EEFSEC: variants seen among roughly 807,000 people sequenced by gnomAD.
EEFSEC encodes the protein eukaryotic elongation factor, selenocysteine-tRNA specific.
In EEFSEC, 43 loss-of-function variants were observed where a neutral mutation model predicts 42.1. That is an observed-to-expected ratio of 1.02 (90% CI 0.80 to 1.32). The LOEUF (loss-of-function observed/expected upper bound fraction) is 1.32, where lower values mean the gene tolerates loss of function less well. Among genes scored for constraint, EEFSEC ranks in the 40% most tolerant of loss-of-function variants. The pLI, the probability that EEFSEC is intolerant of heterozygous loss-of-function variation, is 0.00. For missense variants in EEFSEC, 745 were observed against 803.6 expected (o/e 0.93, Z 0.88); for synonymous variants, 354 against 339.1 (o/e 1.04, Z -0.48).
chr3:128,194,993 C>G (rs573251473), intron 1 of EEFSEC, among the ~76,000 whole-genome samples: 2 of 152,218 alleles, frequency 1.3e-5, no homozygotes, highest in Non-Finnish European at 2.9e-5. Context: ...CCTCCTCGCT[C>G]CTCCTTCTTG....
intron 1 of EEFSEC, among the ~76,000 whole-genome samples, chr3:128,171,391 C>T (rs1408252935): frequency 1.3e-5 from 2 of 151,828 alleles, no homozygotes; most frequent in African/African-American, 4.8e-5. Context: ...CAGGCTTGTA[C>T]CTACAATGGC....
chr3:128,292,481 A>G (rs1317638640), intron 4 of EEFSEC, among the ~76,000 whole-genome samples: 1 of 151,636 alleles, frequency 6.6e-6, no homozygotes, highest in Non-Finnish European at 1.5e-5. Flanking sequence ...TTAATTATGT[A>G]TTTAAATATA....
At chr3:128,242,581 G>A (rs1175066293) in intron 1 of EEFSEC, among the ~76,000 whole-genome samples, 1 of 151,762 alleles carries the variant, frequency 6.6e-6, no homozygotes, top group Non-Finnish European at 1.5e-5. Flanking sequence ...ATTTTTTTCT[G>A]AACATATTTT....
At chr3:128,199,447 C>A (rs1430314660) in intron 1 of EEFSEC, among the ~76,000 whole-genome samples, 5 of 152,028 alleles carry the variant, frequency 3.3e-5, no homozygotes, top group Admixed American at 2.6e-4. Flanking sequence ...TTTTGTTTTC[C>A]CTCTGCTTAG....
intron 4 of EEFSEC, among the ~76,000 whole-genome samples, chr3:128,303,258 C>T (rs1237950018): frequency 6.6e-6 from 1 of 152,168 alleles, no homozygotes; most frequent in African/African-American, 2.4e-5. Flanking sequence ...ACCCACTGCA[C>T]CTGACCGCTT....
At chr3:128,210,977 G>A (rs971926815) in intron 1 of EEFSEC, among the ~76,000 whole-genome samples, 2 of 152,220 alleles carry the variant, frequency 1.3e-5, no homozygotes, top group Non-Finnish European at 2.9e-5. Flanking sequence ...GGCCTTGAAA[G>A]GAGTAGTGGG....
intron 1 of EEFSEC, among the ~76,000 whole-genome samples, chr3:128,241,624 C>A (rs1027620108): frequency 6.6e-6 from 1 of 152,280 alleles, no homozygotes; most frequent in South Asian, 2.1e-4. Flanking sequence ...GGGTTACAGA[C>A]CCAGCCTGTT....
chr3:128,308,406 C>T (rs1476400794), intron 4 of EEFSEC, among the ~76,000 whole-genome samples: 2 of 152,166 alleles, frequency 1.3e-5, no homozygotes, highest in Non-Finnish European at 2.9e-5. Flanking sequence ...TACTGTGTGC[C>T]ACGTGCTGAG....
chr3:128,327,391 C>T (rs113000609), intron 4 of EEFSEC, among the ~76,000 whole-genome samples: 1,780 of 151,532 alleles, frequency 0.012, 17 homozygotes, highest in Non-Finnish European at 0.016. Context: ...CTGCCTCCCT[C>T]ATAATACTTT....
At chr3:128,373,467 G>C (rs1354033943) in intron 6 of EEFSEC, among the ~76,000 whole-genome samples, 1 of 152,232 alleles carries the variant, frequency 6.6e-6, no homozygotes. Context: ...TGTCTCCAGG[G>C]AACCTCTGTG....
the EEFSEC span, among the ~76,000 whole-genome samples, chr3:128,416,973 T>C: frequency 1.3e-4 from 20 of 152,078 alleles, 1 homozygote; most frequent in Non-Finnish European, 2.5e-4. Context: ...AGAGCGATCG[T>C]GGTGGGTGCG....
At chr3:128,409,699 G>A (rs1387953058), downstream of EEFSEC, among the ~76,000 whole-genome samples, 1 of 152,220 alleles carries the variant, frequency 6.6e-6, no homozygotes, top group African/African-American at 2.4e-5. Flanking sequence ...TGTCTGCACT[G>A]TGAATCAGGA....
chr3:128,160,624 G>A (rs181353408), intron 1 of EEFSEC, among the ~76,000 whole-genome samples: 2 of 152,330 alleles, frequency 1.3e-5, no homozygotes, highest in East Asian at 3.9e-4. Flanking sequence ...GCATCCCTGG[G>A]AGATCGGGCT....
At chr3:128,177,702 G>C (rs1015079118) in intron 1 of EEFSEC, among the ~76,000 whole-genome samples, 1 of 152,112 alleles carries the variant, frequency 6.6e-6, no homozygotes, top group Non-Finnish European at 1.5e-5. Flanking sequence ...CATTCTTTTT[G>C]TGTTTTGTTG....
chr3:128,173,198 A>G (rs1457626435), intron 1 of EEFSEC, among the ~76,000 whole-genome samples: 2 of 152,226 alleles, frequency 1.3e-5, no homozygotes, highest in African/African-American at 4.8e-5. Context: ...GGCCCATGCC[A>G]TGTTTTTCCG....
chr3:128,173,207 C>T (rs551714339), intron 1 of EEFSEC, among the ~76,000 whole-genome samples: 147 of 152,220 alleles, frequency 9.7e-4, no homozygotes, highest in Admixed American at 1.6e-3. Flanking sequence ...CATGTTTTTC[C>T]GGGAACATAG....
At chr3:128,218,413 A>G (rs959801894) in intron 1 of EEFSEC, among the ~76,000 whole-genome samples, 1 of 152,218 alleles carries the variant, frequency 6.6e-6, no homozygotes, top group Non-Finnish European at 1.5e-5. Flanking sequence ...GCTGTAACTT[A>G]AAACAATTTT....
At chr3:128,188,509 C>T (rs964651512) in intron 1 of EEFSEC, among the ~76,000 whole-genome samples, 6 of 152,136 alleles carry the variant, frequency 3.9e-5, no homozygotes, top group Admixed American at 1.3e-4. Flanking sequence ...AAAAGTTTGG[C>T]GGCCTTGGTA....
intron 1 of EEFSEC, among the ~76,000 whole-genome samples, chr3:128,159,751 T>G (rs140651601): frequency 6.6e-6 from 1 of 152,346 alleles, no homozygotes; most frequent in African/African-American, 2.4e-5. Flanking sequence ...TTGGTACATC[T>G]GGCTCCTTAA....
Sources: gnomAD v4.1 joint callset for allele counts (sites outside exome capture counted in the v4.1 genomes callset) on GRCh38, gnomAD v4.1.1 for gene constraint, MANE v1.5 for transcripts, NCBI Gene and HGNC (gene_info 2026-07-23, HGNC 2026-07-21) for gene names.